CTSZ: variants seen among roughly 807,000 people sequenced by gnomAD.
CTSZ encodes the protein carboxypeptidase LB.
CTSZ carries 39 observed loss-of-function variants against 32.4 expected under a neutral mutation model. The observed-to-expected ratio is 1.20, with a 90% CI of 0.93 to 1.57. The LOEUF is 1.57. CTSZ is among the 40% of genes most tolerant of loss of function. The pLI, the probability that CTSZ is intolerant of heterozygous loss-of-function variation, is 0.00. For missense variants in CTSZ, 397 were observed against 419.6 expected (o/e 0.95, Z 0.47); for synonymous variants, 168 against 170.1 (o/e 0.99, Z 0.10).
chr20:59,007,164 C>T lies in CTSZ; in HGVS notation c.-36G>A, dbSNP rs2091912835. On this transcript the variant is annotated 5_prime_UTR_variant, in exon 1 of 6. Coordinates refer to ENST00000217131, the MANE Select transcript of CTSZ (RefSeq NM_001336.4). ...CGGCTCCTGGGTCCCGCTCCGGATC[C>T]CGCTCCGAGTCCCAGATCCCGCGCC... 5 of 1,313,092 alleles carry T rather than the reference C, an allele frequency of 3.8e-6. No individual in the cohort carries two copies. The highest frequency in any genetic ancestry group is 3.2e-5 in the East Asian group (1 of 31,128). 81.3% of individuals were successfully genotyped at this position (1,313,092 alleles called of 1,614,324 possible). A position where few individuals can be genotyped will look rare whatever the true frequency, so the allele number is the denominator to read the frequency against.
rs1386925320 is a variant in CTSZ at position 59,006,321 on chromosome 20, C to A, written c.307+1G>T. 8.1e-6 allele frequency: 13 copies of A among 1,604,050 alleles called. No individual in the cohort carries two copies. The highest frequency in any genetic ancestry group is 9.4e-6 in the Non-Finnish European group (11 of 1,175,536). On this transcript the variant is annotated splice_donor_variant, in intron 2 of 5. Transcript: ENST00000217131. LOFTEE classifies it high-confidence loss of function. ...CCCACAGTCAAAGGGCGGCCACTCA[C>A]CCGCCATAGCGCTGGTGCTGGCGTG...
intron 5 of CTSZ, 123 bp downstream of exon 5, chr20:58,996,515 TG>T: frequency 9.7e-7 from 1 of 1,031,014 alleles, no homozygotes; most frequent in Non-Finnish European, 1.5e-6. Context: ...CTGAGACAGC[TG>T]GAGCAAGGAA....
intron 3 of CTSZ, 93 bp from the exon 4 acceptor site, chr20:58,997,846 G>A (rs1331620416): frequency 6.0e-6 from 7 of 1,168,112 alleles, no homozygotes; most frequent in African/African-American, 1.5e-5. Flanking sequence ...CTCTCATCAT[G>A]CAGCCTACCA....
At position 59,001,643 on chromosome 20, in the gene CTSZ, A is replaced by T. The variant is rs1568683209; in HGVS notation, c.309T>A (p.Asp103Glu). 3.1e-6 allele frequency: 5 copies of T among 1,612,872 alleles called. No homozygotes were observed. Among genetic ancestry groups the T allele is most frequent in the Non-Finnish European group, 4.2e-6 (5 of 1,179,212 alleles). The change falls in exon 3 of 6, where the codon GAT becomes GAA. Residue 103 changes from aspartate to glutamate, a missense_variant and splice_region_variant. Physicochemically the swap from Asp to Glu is conservative, Grantham distance 45 (BLOSUM62 2). Coordinates refer to ENST00000217131, the MANE Select transcript of CTSZ (RefSeq NM_001336.4). ...CTCCCTTCCTCTTGATGTTGATCCG[A>T]TCTGCAACAGTCAGCACCTGCCAGT... ...WAHASTSAMADRINIKRKGAW... is the reference protein window; with the variant it reads ...WAHASTSAMAERINIKRKGAW...
At chr20:59,000,583 G>A (rs1416397106) in intron 3 of CTSZ, among the ~76,000 whole-genome samples, 1 of 152,182 alleles carries the variant, frequency 6.6e-6, no homozygotes, top group African/African-American at 2.4e-5. Flanking sequence ...TGGGTCACCA[G>A]AACAGGAACC....
Position 59,004,747 on chromosome 20 carries a change from C to G in CTSZ, c.307+1575G>C, listed in dbSNP as rs2091902506. On this transcript the variant is annotated intron_variant, in intron 2 of 5. Coordinates refer to ENST00000217131, the MANE Select transcript of CTSZ (RefSeq NM_001336.4). This position sits in a 1 kb window ranked among gnomAD's most constrained non-coding sequence, Gnocchi z 5.6. ...CCCCGTGGAAGTCCCCTTCTGGTGG[C>G]TTCTATTCCTCAGTGAAAGAGGAAG... 6.6e-6 allele frequency among the ~76,000 whole-genome samples: 1 copy of G among 152,062 alleles called. No individual in the cohort carries two copies. Among genetic ancestry groups the G allele is most frequent in the African/African-American group, 2.4e-5 (1 of 41,400 alleles).
chr20:59,003,402 G>T (rs1247766421), intron 2 of CTSZ, among the ~76,000 whole-genome samples: 3 of 152,178 alleles, frequency 2.0e-5, no homozygotes, highest in African/African-American at 4.8e-5. Flanking sequence ...ATCTGGGAAC[G>T]GGCTTATTAC....
chr20:58,999,985 C>T (rs548135450), intron 3 of CTSZ, among the ~76,000 whole-genome samples: 65 of 151,806 alleles, frequency 4.3e-4, no homozygotes, highest in Non-Finnish European at 4.7e-4. Flanking sequence ...AGGAGAGTGG[C>T]GTGAACCCGG....
intron 5 of CTSZ, among the ~76,000 whole-genome samples, chr20:58,996,399 G>C (rs1362290196): frequency 6.6e-6 from 1 of 152,214 alleles, no homozygotes; most frequent in African/African-American, 2.4e-5. Flanking sequence ...GAGTCACCTA[G>C]TGGGTGGAGG....
chr20:59,000,081 CAAA>C (rs2091882447), intron 3 of CTSZ, among the ~76,000 whole-genome samples: 1 of 20,168 alleles, frequency 5.0e-5, no homozygotes, highest in Non-Finnish European at 1.3e-4. Flanking sequence ...AAAAAAAAAA[CAAA>C]CTACCAGTTA....
At chr20:59,000,068 C>CAA (rs756514968) in intron 3 of CTSZ, among the ~76,000 whole-genome samples, 1 of 68,910 alleles carries the variant, frequency 1.5e-5, no homozygotes, top group Non-Finnish European at 3.1e-5. Context: ...GACTCCGTCT[C>CAA]AAAAAAAAAA....
At chr20:58,997,050 G>A (rs1460464713) in intron 4 of CTSZ, among the ~76,000 whole-genome samples, 2 of 151,746 alleles carry the variant, frequency 1.3e-5, no homozygotes, top group Non-Finnish European at 1.5e-5. Flanking sequence ...CCAGCTACTC[G>A]GTGGAGGGGG....
intron 1 of CTSZ, 133 bp from the exon 2 acceptor site, chr20:59,006,618 G>A (rs1166837547): frequency 2.0e-5 from 19 of 940,656 alleles, no homozygotes; most frequent in Non-Finnish European, 2.8e-5. Context: ...ATCACCAGAG[G>A]TGAGCCAGGT....
Position 59,002,769 on chromosome 20 carries a change from G to A in CTSZ, c.308-1125C>T, listed in dbSNP as rs761389825. On this transcript the variant is annotated intron_variant, in intron 2 of 5. Transcript: ENST00000217131. This position sits in a 1 kb window ranked among gnomAD's most constrained non-coding sequence, Gnocchi z 4.1. ...CCCAAACCCTCTTCCTGGAGCAGCC[G>A]GTGGCTGGTTTGTCCCCTCCCACCT... Among the ~76,000 whole-genome samples, 16 of 152,182 alleles carry A rather than the reference G, an allele frequency of 1.1e-4. No homozygotes were observed. Among genetic ancestry groups the A allele is most frequent in the Middle Eastern group, 3.4e-3 (1 of 294 alleles).
chr20:59,006,927 G>T (rs1459617916), intron 1 of CTSZ, 59 bp downstream of exon 1: 3 of 1,326,244 alleles, frequency 2.3e-6, no homozygotes, highest in East Asian at 6.2e-5. Context: ...CAGAGCGCGC[G>T]CCTGGCCCGG....
intron 5 of CTSZ, 129 bp downstream of exon 5, chr20:58,996,494 TCGCGCGGTGGCTGAGA>T: frequency 1.2e-6 from 1 of 827,986 alleles, no homozygotes; most frequent in Non-Finnish European, 2.0e-6. Context: ...CAAAAGCCAC[TCGCGCGGTGGCTGAGA>T]CAGCTGGAGC....
At chr20:58,999,327 C>T (rs958859432) in intron 3 of CTSZ, among the ~76,000 whole-genome samples, 10 of 152,134 alleles carry the variant, frequency 6.6e-5, no homozygotes, top group Non-Finnish European at 1.2e-4. Context: ...TGAGCCACCG[C>T]GGTCACCAGT....
At chr20:59,001,745 T>C (rs2091890714) in intron 2 of CTSZ, 101 bp from the exon 3 acceptor site, 10 of 1,248,614 alleles carry the variant, frequency 8.0e-6, no homozygotes, top group Non-Finnish European at 7.9e-6. Context: ...CTGCCCAGCC[T>C]GGCCTGCCTT....
intron 3 of CTSZ, among the ~76,000 whole-genome samples, chr20:58,998,795 C>T (rs572038031): frequency 7.2e-5 from 11 of 152,362 alleles, no homozygotes; most frequent in Non-Finnish European, 1.6e-4. Context: ...ACTCCATCCA[C>T]ACGGCGGCCC....
Sources: gnomAD v4.1 joint callset for allele counts (sites outside exome capture counted in the v4.1 genomes callset) on GRCh38, gnomAD v4.1.1 for gene constraint, Gnocchi (gnomAD v3.1) non-coding constraint, MANE v1.5 for transcripts, NCBI Gene and HGNC (gene_info 2026-07-23, HGNC 2026-07-21) for gene names.